The following AUTS2 variants were observed in gnomAD, a reference collection of about 807,000 sequenced individuals.
AUTS2 encodes the protein activator of transcription and developmental regulator AUTS2.
In AUTS2, 17 loss-of-function variants were observed where a neutral mutation model predicts 112.4. The ratio of observed to expected loss-of-function variants is 0.15; its 90% CI spans 0.10 to 0.23. The LOEUF is 0.23. Among genes scored for constraint, AUTS2 ranks in the 10% least tolerant of loss-of-function variants. The pLI, the probability that AUTS2 is intolerant of heterozygous loss-of-function variation, is 1.00. For missense variants in AUTS2, 1,510 were observed against 1,701.6 expected (o/e 0.89, Z 1.98); for synonymous variants, 751 against 702.7 (o/e 1.07, Z -1.09).
intron 4 of AUTS2, among the ~76,000 whole-genome samples, chr7:70,278,113 C>T (rs1054872459): frequency 1.3e-5 from 2 of 152,018 alleles, no homozygotes; most frequent in Admixed American, 6.6e-5. Flanking sequence ...TACCTGTGCA[C>T]ATTACAGACG....
At chr7:70,187,576 G>A (rs1041405407) in intron 4 of AUTS2, among the ~76,000 whole-genome samples, 28 of 152,120 alleles carry the variant, frequency 1.8e-4, no homozygotes, top group Admixed American at 7.9e-4. Context: ...CAGTAATTCC[G>A]CCTCAGTTTT....
At chr7:70,255,529 T>C (rs1786822213) in intron 4 of AUTS2, among the ~76,000 whole-genome samples, 1 of 152,244 alleles carries the variant, frequency 6.6e-6, no homozygotes, top group African/African-American at 2.4e-5. Context: ...CACAAATAAC[T>C]GAGTTTGCAC....
At chr7:70,030,188 A>C (rs1229019418) in intron 2 of AUTS2, among the ~76,000 whole-genome samples, 1 of 152,180 alleles carries the variant, frequency 6.6e-6, no homozygotes, top group Non-Finnish European at 1.5e-5. Flanking sequence ...AGGCCTCCCT[A>C]TCTGCATCAC....
chr7:69,775,520 GGT>G (rs1380276884), intron 1 of AUTS2, among the ~76,000 whole-genome samples: 12 of 152,064 alleles, frequency 7.9e-5, no homozygotes, highest in African/African-American at 2.9e-4. Context: ...GGTTGAGTCA[GGT>G]CACCTTATGT....
chr7:69,757,439 C>G (rs1787986672), intron 1 of AUTS2, among the ~76,000 whole-genome samples: 1 of 152,222 alleles, frequency 6.6e-6, no homozygotes, highest in Non-Finnish European at 1.5e-5. Flanking sequence ...TAGTGTTTAA[C>G]CTGATATGTA....
chr7:70,453,908 A>G (rs868092525), intron 5 of AUTS2, among the ~76,000 whole-genome samples: 25 of 152,320 alleles, frequency 1.6e-4, no homozygotes, highest in Admixed American at 3.3e-4. Flanking sequence ...AACACATTCA[A>G]GGCAGACAAG....
At chr7:69,754,201 A>G (rs1376259241) in intron 1 of AUTS2, among the ~76,000 whole-genome samples, 1 of 152,168 alleles carries the variant, frequency 6.6e-6, no homozygotes, top group Non-Finnish European at 1.5e-5. Context: ...TCCAGGCCCC[A>G]ACACTGTGTG....
chr7:69,704,935 C>T (rs1797996193), intron 1 of AUTS2, among the ~76,000 whole-genome samples: 1 of 152,164 alleles, frequency 6.6e-6, no homozygotes, highest in African/African-American at 2.4e-5. Context: ...GGCACAATCA[C>T]AACTCACTGC....
rs1796609506 is a variant in AUTS2 at position 69,677,389 on chromosome 7, T to A, written c.309+77427T>A. 2.6e-5 allele frequency among the ~76,000 whole-genome samples: 4 copies of A among 152,318 alleles called. 1 individual carries two copies. The South Asian group carries it at 8.3e-4, about 32-fold the overall frequency. On this transcript the variant is annotated intron_variant, in intron 1 of 18. Transcript: ENST00000342771. ...AATATCTTTTATTGTGTTCTGATAG[T>A]TTGAAAATTGGTTATTTTTGTACTG... is the stretch of plus-strand genomic sequence containing the variant.
At chr7:70,396,997 A>G (rs1005932658) in intron 4 of AUTS2, among the ~76,000 whole-genome samples, 3 of 152,088 alleles carry the variant, frequency 2.0e-5, no homozygotes, top group East Asian at 3.9e-4. Context: ...CCAACCGTGT[A>G]TAAGAGTTCC....
intron 4 of AUTS2, among the ~76,000 whole-genome samples, chr7:70,184,120 G>A (rs913329874): frequency 1.3e-5 from 2 of 152,104 alleles, no homozygotes; most frequent in Non-Finnish European, 2.9e-5. Flanking sequence ...TGTTCCTTGG[G>A]CATGCTGGAA....
intron 2 of AUTS2, among the ~76,000 whole-genome samples, chr7:70,014,413 T>A (rs147181059): frequency 1.2e-3 from 184 of 152,346 alleles, no homozygotes; most frequent in African/African-American, 4.0e-3. Context: ...AAAATAAAGC[T>A]TGCCTACTCA....
At chr7:70,298,579 A>T (rs1789054427) in intron 4 of AUTS2, among the ~76,000 whole-genome samples, 1 of 152,194 alleles carries the variant, frequency 6.6e-6, no homozygotes, top group Non-Finnish European at 1.5e-5. Context: ...AAGTCCCAAG[A>T]TATTAATGTA....
At chr7:70,455,861 T>C (rs767252927) in intron 5 of AUTS2, among the ~76,000 whole-genome samples, 8 of 152,186 alleles carry the variant, frequency 5.3e-5, no homozygotes, top group Non-Finnish European at 1.2e-4. Flanking sequence ...GGACTACTGA[T>C]GCATAGCCTG....
At chr7:70,587,082 C>CT (rs1283668483) in intron 5 of AUTS2, among the ~76,000 whole-genome samples, 2 of 151,992 alleles carry the variant, frequency 1.3e-5, no homozygotes, top group Non-Finnish European at 2.9e-5. Flanking sequence ...AGGGATTTTT[C>CT]TTTTTTCTTT....
chr7:70,364,727 C>T lies in AUTS2; in HGVS notation c.661-71025C>T, dbSNP rs1321541650. 2.4e-4 allele frequency among the ~76,000 whole-genome samples: 37 copies of T among 151,950 alleles called. 1 individual carries two copies. The highest frequency in any genetic ancestry group is 2.4e-3 in the Admixed American group (37 of 15,262). On this transcript the variant is annotated intron_variant, in intron 4 of 18. Coordinates refer to ENST00000342771, the MANE Select transcript of AUTS2 (RefSeq NM_015570.4). ...CTAGGAAAGGTGGATCAGACTCATT[C>T]ATTATAAAGAACTCTTTCTGATTGA...
At chr7:70,634,695 T>C (rs750753326) in intron 5 of AUTS2, among the ~76,000 whole-genome samples, 54 of 152,150 alleles carry the variant, frequency 3.5e-4, no homozygotes, top group Non-Finnish European at 5.7e-4. Context: ...ACCCACATCC[T>C]CCATCCCATC....
intron 5 of AUTS2, among the ~76,000 whole-genome samples, chr7:70,506,658 A>T (rs1409737294): frequency 6.6e-6 from 1 of 152,202 alleles, no homozygotes; most frequent in Non-Finnish European, 1.5e-5. Context: ...CTGCAGATAC[A>T]CCATCTATCT....
intron 5 of AUTS2, among the ~76,000 whole-genome samples, chr7:70,659,163 T>G (rs1348075979): frequency 1.3e-5 from 2 of 152,310 alleles, no homozygotes; most frequent in East Asian, 3.9e-4. Flanking sequence ...CTGTGGGCAT[T>G]ACCAGTGGGA....
Sources: gnomAD v4.1 joint callset for allele counts (sites outside exome capture counted in the v4.1 genomes callset) on GRCh38, gnomAD v4.1.1 for gene constraint, MANE v1.5 for transcripts, NCBI Gene and HGNC (gene_info 2026-07-23, HGNC 2026-07-21) for gene names.